Variants in BMP5 observed in about 807,000 individuals in gnomAD.
The protein encoded by BMP5 is bone morphogenetic protein 5.
In BMP5, 23 loss-of-function variants were observed where a neutral mutation model predicts 46.6. That is an observed-to-expected ratio of 0.49 (90% CI 0.35 to 0.70). The LOEUF is 0.70. Ranked by LOEUF, BMP5 falls within the 30% of genes least tolerant of loss-of-function variation. The probability of loss-of-function intolerance (pLI) is 0.00; values close to 1 mark genes in which losing one functional copy is unlikely to be tolerated. For synonymous variants in BMP5, 204 were observed against 191.9 expected, an observed-to-expected ratio of 1.06 and a Z score of -0.52; for missense variants, 545 against 565.6, an observed-to-expected ratio of 0.96 and a Z score of 0.37.
At chr6:55,827,507 A>G (rs1360078812) in intron 1 of BMP5, among the ~76,000 whole-genome samples, 1 of 151,738 alleles carries the variant, frequency 6.6e-6, no homozygotes, top group Non-Finnish European at 1.5e-5. Flanking sequence ...AAGGTTCACA[A>G]ATTGCCAAGA....
chr6:55,865,735 G>A (rs1777626658), intron 1 of BMP5, among the ~76,000 whole-genome samples: 1 of 152,154 alleles, frequency 6.6e-6, no homozygotes, highest in Admixed American at 6.5e-5. Context: ...AGAAATAGTT[G>A]TAATAGCAGT....
At chr6:55,859,672 C>T (rs144034920) in intron 1 of BMP5, among the ~76,000 whole-genome samples, 9 of 152,212 alleles carry the variant, frequency 5.9e-5, no homozygotes, top group African/African-American at 2.2e-4. Context: ...AACTTTTTTC[C>T]TGCTCCTTTT....
At chr6:55,806,090 C>T (rs1461506018) in intron 2 of BMP5, among the ~76,000 whole-genome samples, 1 of 151,870 alleles carries the variant, frequency 6.6e-6, no homozygotes, top group Non-Finnish European at 1.5e-5. Flanking sequence ...TCATTTATTA[C>T]TTTTGGCTTT....
intron 2 of BMP5, among the ~76,000 whole-genome samples, chr6:55,815,803 T>C (rs1449946789): frequency 6.6e-6 from 1 of 152,136 alleles, no homozygotes; most frequent in African/African-American, 2.4e-5. Context: ...AAAATAAGCA[T>C]TAGTTTATTT....
At chr6:55,786,182 C>T (rs146376912) in intron 3 of BMP5, among the ~76,000 whole-genome samples, 4 of 151,756 alleles carry the variant, frequency 2.6e-5, no homozygotes, top group African/African-American at 7.2e-5. Context: ...CTGTTTAATA[C>T]CAGCCTCCTC....
At chr6:55,821,878 C>G (rs1174530898) in intron 1 of BMP5, among the ~76,000 whole-genome samples, 1 of 152,150 alleles carries the variant, frequency 6.6e-6, no homozygotes, top group Non-Finnish European at 1.5e-5. Context: ...AAACTAGCCA[C>G]AACTTTTGCT....
chr6:55,774,344 A>G, intron 3 of BMP5, 101 bp from the exon 4 acceptor site: 4 of 1,139,906 alleles, frequency 3.5e-6, no homozygotes, highest in Non-Finnish European at 5.2e-6. Flanking sequence ...AAAGTTTTAA[A>G]ACATTATCAG....
chr6:55,859,074 C>G (rs1410597101), intron 1 of BMP5, among the ~76,000 whole-genome samples: 2 of 152,084 alleles, frequency 1.3e-5, no homozygotes, highest in Non-Finnish European at 2.9e-5. Context: ...ACATGTATAT[C>G]TAGGTAACAA....
intron 1 of BMP5, among the ~76,000 whole-genome samples, chr6:55,856,805 C>A (rs1054137398): frequency 6.6e-6 from 1 of 151,890 alleles, no homozygotes; most frequent in African/African-American, 2.4e-5. Flanking sequence ...TCATTATGTA[C>A]CATTTAATTT....
At chr6:55,796,507 T>TA (rs976299849) in intron 2 of BMP5, among the ~76,000 whole-genome samples, 1 of 151,938 alleles carries the variant, frequency 6.6e-6, no homozygotes, top group Non-Finnish European at 1.5e-5. Flanking sequence ...TTTCTTTTTT[T>TA]TTATTATTAT....
In BMP5 at chr6:55,759,093, C is replaced by G. The variant is rs1444352884; in HGVS notation, c.1127G>C (p.Gly376Ala). Residue 376 changes from glycine to alanine, a missense_variant, in exon 6 of 7, where the codon GGA becomes GCA. Coordinates refer to ENST00000370830, the MANE Select transcript of BMP5 (RefSeq NM_021073.4). ...TCCATCACAATAAAATGCAGCGTAT[C>G]CTTCTGGTGCTATAATCCAGTCCTG... ...GWQDWIIAPE[G>A]YAAFYCDGEC... 3 of 1,382,866 alleles carry G rather than the reference C, an allele frequency of 2.2e-6. No homozygotes were observed. Among genetic ancestry groups the G allele is most frequent in the Non-Finnish European group, 9.6e-7 (1 of 1,045,408 alleles). The allele number at this position is 1,382,866 out of a possible 1,614,324, so 85.7% of individuals were successfully genotyped here.
chr6:55,835,985 T>C (rs1776785305), intron 1 of BMP5, among the ~76,000 whole-genome samples: 1 of 152,200 alleles, frequency 6.6e-6, no homozygotes, highest in South Asian at 2.1e-4. Flanking sequence ...TTTAACACAA[T>C]ACGGTATTTT....
At chr6:55,795,206 T>C (rs1775678372) in intron 2 of BMP5, among the ~76,000 whole-genome samples, 1 of 152,126 alleles carries the variant, frequency 6.6e-6, no homozygotes. Flanking sequence ...AATTTATTAT[T>C]CTCTTACTAC....
chr6:55,762,841 T>C (rs1774820158), intron 4 of BMP5, among the ~76,000 whole-genome samples: 1 of 152,086 alleles, frequency 6.6e-6, no homozygotes, highest in Non-Finnish European at 1.5e-5. Flanking sequence ...AGTAAATATG[T>C]TGGGCTAAGT....
At chr6:55,866,184 T>A (rs1305286892) in intron 1 of BMP5, among the ~76,000 whole-genome samples, 1 of 152,174 alleles carries the variant, frequency 6.6e-6, no homozygotes, top group Admixed American at 6.6e-5. Flanking sequence ...GTAGCAAATT[T>A]GATGGAAAAC....
At chr6:55,768,254 G>A (rs1188119611) in intron 4 of BMP5, among the ~76,000 whole-genome samples, 1 of 151,784 alleles carries the variant, frequency 6.6e-6, no homozygotes, top group African/African-American at 2.4e-5. Context: ...AGAATAGAAT[G>A]TTTCAATTTT....
At chr6:55,794,938 A>G (rs549111397) in intron 2 of BMP5, among the ~76,000 whole-genome samples, 25 of 152,204 alleles carry the variant, frequency 1.6e-4, no homozygotes, top group Non-Finnish European at 2.2e-4. Flanking sequence ...AAACACCAAG[A>G]GAGTATTACA....
intron 1 of BMP5, among the ~76,000 whole-genome samples, chr6:55,827,463 T>C (rs1485307433): frequency 6.6e-6 from 1 of 151,734 alleles, no homozygotes; most frequent in Non-Finnish European, 1.5e-5. Flanking sequence ...TGACATCTTG[T>C]TTATATATTG....
intron 2 of BMP5, among the ~76,000 whole-genome samples, chr6:55,807,939 G>A (rs1396178192): frequency 6.6e-6 from 1 of 152,158 alleles, no homozygotes; most frequent in Non-Finnish European, 1.5e-5. Flanking sequence ...CCTGTTGGAG[G>A]GTCTCACCCA....
Sources: allele counts gnomAD v4.1 joint callset (sites outside exome capture counted in the v4.1 genomes callset), GRCh38; gene constraint gnomAD v4.1.1; transcripts MANE v1.5; gene names NCBI Gene and HGNC (gene_info 2026-07-23, HGNC 2026-07-21).